C19orf47: variants seen among roughly 807,000 people sequenced by gnomAD.
C19orf47 encodes the protein chromosome 19 open reading frame 47.
A neutral mutation model predicts 32.3 loss-of-function variants in C19orf47; 18 were observed. The observed-to-expected ratio is 0.56, with a 90% CI of 0.39 to 0.83. The LOEUF is 0.83. C19orf47 is among the 40% of genes least tolerant of loss of function. The pLI, the probability that C19orf47 is intolerant of heterozygous loss-of-function variation, is 0.00. For missense variants in C19orf47, 484 were observed against 531.6 expected, an observed-to-expected ratio of 0.91 and a Z score of 0.88; for synonymous variants, 202 against 211.1, an observed-to-expected ratio of 0.96 and a Z score of 0.37.
intron 1 of C19orf47, among the ~76,000 whole-genome samples, chr19:40,345,532 C>T (rs2078255273): frequency 9.9e-6 from 1 of 100,684 alleles, no homozygotes; most frequent in African/African-American, 4.1e-5. Context: ...GACCCTGTCA[C>T]TGTTAAAAAA....
chr19:40,307,339 C>G, the C19orf47 span, among the ~76,000 whole-genome samples: 1 of 152,078 alleles, frequency 6.6e-6, no homozygotes, highest in Admixed American at 6.6e-5. Context: ...AAGTGATCCA[C>G]CCACCTCTGC....
downstream of C19orf47, among the ~76,000 whole-genome samples, chr19:40,319,122 T>G (rs1356179065): frequency 6.6e-6 from 1 of 151,616 alleles, no homozygotes; most frequent in Non-Finnish European, 1.5e-5. Context: ...ATATGAAAAT[T>G]AGCTGGGAGT....
At chr19:40,318,012 G>C (rs1032102915), downstream of C19orf47, among the ~76,000 whole-genome samples, 6 of 152,114 alleles carry the variant, frequency 3.9e-5, no homozygotes, top group Admixed American at 3.9e-4. Context: ...AAGCCACCAT[G>C]CCAGGTCCAA....
chr19:40,330,540 C>CTTTT (rs398034615), intron 5 of C19orf47, among the ~76,000 whole-genome samples: 1,009 of 64,356 alleles, frequency 0.016, 15 homozygotes, highest in Non-Finnish European at 0.017. Context: ...ACCCGGCCCT[C>CTTTT]TTTTTTTTTT....
At chr19:40,323,529 C>A (rs949117570) in intron 8 of C19orf47, among the ~76,000 whole-genome samples, 1 of 152,172 alleles carries the variant, frequency 6.6e-6, no homozygotes, top group African/African-American at 2.4e-5. Context: ...AGTGAGGGGA[C>A]GGGCCCTGTC....
chr19:40,313,550 C>A, the C19orf47 span, among the ~76,000 whole-genome samples: 3 of 152,174 alleles, frequency 2.0e-5, no homozygotes, highest in Non-Finnish European at 2.9e-5. Flanking sequence ...GTCTGGAACT[C>A]CTGGGCTGAA....
the C19orf47 span, among the ~76,000 whole-genome samples, chr19:40,304,013 C>T: frequency 1.3e-5 from 2 of 152,064 alleles, no homozygotes; most frequent in African/African-American, 4.8e-5. Flanking sequence ...TCTTTTGTTT[C>T]CTCTTATTAA....
the C19orf47 span, among the ~76,000 whole-genome samples, chr19:40,312,778 T>G: frequency 2.0e-5 from 3 of 152,228 alleles, no homozygotes; most frequent in South Asian, 2.1e-4. Flanking sequence ...TAAAATCACA[T>G]GAGCGCCCCC....
rs574703405 is a variant in C19orf47 at position 40,333,023 on chromosome 19, C to T, written c.301+828G>A. Among the ~76,000 whole-genome samples the T allele has an allele frequency of 9.2e-5, 14 of 152,184 alleles. No individual in the cohort carries two copies. The East Asian group carries it at 1.4e-3, about 15-fold the overall frequency. ...CTATAATCCCAGCACTTTGGGAGGC[C>T]GAAGCAGGCAGATCACTTGAAGTCA... On this transcript the variant is annotated intron_variant, in intron 5 of 8. Coordinates refer to ENST00000683109, the MANE Select transcript of C19orf47 (RefSeq NM_001256441.2).
chr19:40,308,362 A>G, the C19orf47 span, among the ~76,000 whole-genome samples: 12 of 151,506 alleles, frequency 7.9e-5, no homozygotes, highest in Non-Finnish European at 1.6e-4. Context: ...TCACCATGTT[A>G]GCCAGGATGG....
chr19:40,316,754 T>G (rs2145493060), downstream of C19orf47, among the ~76,000 whole-genome samples: 1 of 152,324 alleles, frequency 6.6e-6, no homozygotes, highest in Middle Eastern at 3.4e-3. Flanking sequence ...TTAAATAATG[T>G]AATGTAATAA....
At chr19:40,331,228 G>A (rs192498885) in intron 5 of C19orf47, among the ~76,000 whole-genome samples, 1 of 152,288 alleles carries the variant, frequency 6.6e-6, no homozygotes, top group Admixed American at 6.5e-5. Flanking sequence ...TGCACACTGG[G>A]GCCAGCCCTC....
intron 4 of C19orf47, 99 bp downstream of exon 4, chr19:40,336,011 G>A (rs1328596471): frequency 8.7e-6 from 9 of 1,034,488 alleles, no homozygotes; most frequent in Admixed American, 6.3e-5. Context: ...TGGAACCTGG[G>A]TCGGCCTGCC....
At chr19:40,305,867 G>A in the C19orf47 span, among the ~76,000 whole-genome samples, 4 of 151,932 alleles carry the variant, frequency 2.6e-5, no homozygotes, top group Admixed American at 6.6e-5. Flanking sequence ...GAGAATGTTC[G>A]GCCAGACATG....
chr19:40,341,037 C>A (rs1047120329), intron 2 of C19orf47, among the ~76,000 whole-genome samples: 1 of 142,924 alleles, frequency 7.0e-6, no homozygotes, highest in African/African-American at 2.6e-5. Flanking sequence ...TAAAACTATA[C>A]AAATATATTT....
chr19:40,321,718 G>A lies in C19orf47; in HGVS notation c.*164C>T. The A allele has an allele frequency of 1.4e-6, 2 of 1,426,214 alleles. No individual in the cohort carries two copies. Among genetic ancestry groups the A allele is most frequent in the Non-Finnish European group, 1.8e-6 (2 of 1,095,702 alleles). 88.3% of individuals were successfully genotyped at this position (1,426,214 alleles called of 1,614,324 possible). On this transcript the variant is annotated 3_prime_UTR_variant, in exon 9 of 9. Transcript: ENST00000683109. ...AGCTGCGACGACCATCCCAGGCTAG[G>A]AGAAATGGGGTGATCCCCCGAATGC...
chr19:40,327,007 CTT>C (rs763036518), intron 6 of C19orf47, among the ~76,000 whole-genome samples: 22 of 122,788 alleles, frequency 1.8e-4, no homozygotes, highest in South Asian at 2.6e-4. Flanking sequence ...CTGATTTTAA[CTT>C]TTTTTTTTTT....
At chr19:40,314,866 G>A (rs555897062), downstream of C19orf47, among the ~76,000 whole-genome samples, 9 of 152,302 alleles carry the variant, frequency 5.9e-5, no homozygotes, top group East Asian at 1.7e-3. Flanking sequence ...CCCTTGATAT[G>A]TGATGAAATG....
chr19:40,338,348 T>C (rs975845962), intron 2 of C19orf47, among the ~76,000 whole-genome samples: 15 of 147,298 alleles, frequency 1.0e-4, no homozygotes, highest in East Asian at 3.9e-4. Context: ...AATATATATA[T>C]ACACACACAC....
Sources: gnomAD v4.1 joint callset for allele counts (sites outside exome capture counted in the v4.1 genomes callset) on GRCh38, gnomAD v4.1.1 for gene constraint, MANE v1.5 for transcripts, NCBI Gene and HGNC (gene_info 2026-07-23, HGNC 2026-07-21) for gene names.